The following GPD2 variants were observed in gnomAD, a reference collection of about 807,000 sequenced individuals.
The protein encoded by GPD2 is glycerol-3-phosphate dehydrogenase, mitochondrial.
GPD2 carries 54 observed loss-of-function variants against 82.4 expected under a neutral mutation model. The ratio of observed to expected loss-of-function variants is 0.66; its 90% CI spans 0.53 to 0.82. GPD2 has a LOEUF of 0.82. Among genes scored for constraint, GPD2 ranks in the 40% least tolerant of loss-of-function variants. GPD2 has a pLI of 0.00. For missense variants in GPD2, 748 were observed against 896.2 expected, an observed-to-expected ratio of 0.83 and a Z score of 2.11; for synonymous variants, 288 against 306.1, an observed-to-expected ratio of 0.94 and a Z score of 0.62.
intron 2 of GPD2, among the ~76,000 whole-genome samples, chr2:156,483,944 C>G (rs1002947854): frequency 6.8e-6 from 1 of 147,932 alleles, no homozygotes; most frequent in Admixed American, 6.7e-5. Flanking sequence ...GTTGATGTAG[C>G]TGTAGCTGAA....
chr2:156,481,677 T>A (rs1392268206), intron 2 of GPD2, among the ~76,000 whole-genome samples: 1 of 151,244 alleles, frequency 6.6e-6, no homozygotes, highest in African/African-American at 2.4e-5. Flanking sequence ...AGAGATGGGG[T>A]CTTGCCATGT....
At chr2:156,432,088 A>G (rs950953951), upstream of GPD2, among the ~76,000 whole-genome samples, 7 of 152,018 alleles carry the variant, frequency 4.6e-5, no homozygotes, top group South Asian at 2.1e-4. Flanking sequence ...AGGTTCCACC[A>G]TGTTGGTCAG....
intron 3 of GPD2, among the ~76,000 whole-genome samples, chr2:156,500,518 A>G (rs1165661832): frequency 6.6e-6 from 1 of 152,176 alleles, no homozygotes; most frequent in East Asian, 1.9e-4. Context: ...GTTTTTACCA[A>G]ATTATTCCTG....
intron 1 of GPD2, among the ~76,000 whole-genome samples, chr2:156,453,818 A>G (rs1435742319): frequency 6.6e-6 from 1 of 152,216 alleles, no homozygotes; most frequent in East Asian, 1.9e-4. Context: ...TGGAGGTTGC[A>G]GTGAGCTGAG....
the GPD2 span, among the ~76,000 whole-genome samples, chr2:156,414,859 GATAA>G: frequency 6.6e-6 from 1 of 151,908 alleles, no homozygotes; most frequent in Non-Finnish European, 1.5e-5. Context: ...CTCTAAAAGG[GATAA>G]ATATACCTTT....
chr2:156,508,895 T>C (rs1247176106), intron 3 of GPD2, among the ~76,000 whole-genome samples: 2 of 152,202 alleles, frequency 1.3e-5, no homozygotes, highest in Admixed American at 6.5e-5. Context: ...GAGAGTCTTC[T>C]GGATTTTCAA....
the GPD2 span, among the ~76,000 whole-genome samples, chr2:156,420,187 T>C: frequency 1.3e-5 from 2 of 152,180 alleles, no homozygotes; most frequent in Non-Finnish European, 2.9e-5. Flanking sequence ...TTCTTTCCTT[T>C]TTTTTTCTTT....
intron 9 of GPD2, among the ~76,000 whole-genome samples, chr2:156,561,082 T>G (rs1008524948): frequency 3.8e-5 from 5 of 130,436 alleles, no homozygotes; most frequent in African/African-American, 1.5e-4. Context: ...GATTCTCACT[T>G]TGTAGCTCAG....
At chr2:156,480,844 T>C (rs575510177) in intron 2 of GPD2, among the ~76,000 whole-genome samples, 34 of 150,944 alleles carry the variant, frequency 2.3e-4, no homozygotes, top group Non-Finnish European at 3.7e-4. Flanking sequence ...AGGGGCATGA[T>C]CTCAGCTCAT....
At chr2:156,553,692 G>A (rs1475642406) in intron 8 of GPD2, among the ~76,000 whole-genome samples, 1 of 151,980 alleles carries the variant, frequency 6.6e-6, no homozygotes, top group South Asian at 2.1e-4. Context: ...GCACAAATGT[G>A]TATTCTGTTA....
chr2:156,557,557 T>C lies in GPD2; in HGVS notation c.1140T>C (p.Arg380=). 6.3e-7 allele frequency: 1 copy of C among 1,593,938 alleles called. No individual in the cohort carries two copies. Among genetic ancestry groups the C allele is most frequent in the Non-Finnish European group, 8.6e-7 (1 of 1,161,594 alleles). The stretch of plus-strand genomic sequence containing the variant: ...TCAACTTCATTTTGAATGAAGTGCG[T>C]AATTACCTGAGTTGTGATGTTGAAG... ...EDINFILNEV[R]NYLSCDVEVR... Residue 380 remains arginine, a synonymous_variant, in exon 9 of 17, where the codon CGT becomes CGC. Coordinates refer to ENST00000438166, the MANE Select transcript of GPD2 (RefSeq NM_000408.5).
At chr2:156,577,121 T>G (rs1278151980) in intron 13 of GPD2, among the ~76,000 whole-genome samples, 2 of 152,174 alleles carry the variant, frequency 1.3e-5, no homozygotes, top group South Asian at 2.1e-4. Flanking sequence ...TTTAAGAACA[T>G]GAAGGAAGAA....
At chr2:156,492,223 G>A (rs180995167) in intron 2 of GPD2, among the ~76,000 whole-genome samples, 3 of 120,374 alleles carry the variant, frequency 2.5e-5, no homozygotes, top group Non-Finnish European at 3.2e-5. Context: ...GTGTGATCTC[G>A]GCTCACTGCA....
chr2:156,452,918 G>A (rs1041268839), intron 1 of GPD2, among the ~76,000 whole-genome samples: 2 of 152,136 alleles, frequency 1.3e-5, no homozygotes, highest in African/African-American at 2.4e-5. Context: ...TTGGGTGGTG[G>A]GAAGATGAAA....
At chr2:156,581,660 A>G (rs972929477) in intron 16 of GPD2, among the ~76,000 whole-genome samples, 36 of 152,096 alleles carry the variant, frequency 2.4e-4, no homozygotes, top group African/African-American at 8.4e-4. Flanking sequence ...ACGGTTTTTC[A>G]TTAATCTTCA....
chr2:156,470,353 GC>G (rs1683288017), intron 1 of GPD2, among the ~76,000 whole-genome samples: 1 of 152,062 alleles, frequency 6.6e-6, no homozygotes. Flanking sequence ...GCGCCACCAT[GC>G]CCAGCTAATT....
intron 6 of GPD2, among the ~76,000 whole-genome samples, chr2:156,518,251 C>G (rs578098229): frequency 1.2e-4 from 18 of 152,244 alleles, no homozygotes; most frequent in Middle Eastern, 6.8e-3. Flanking sequence ...GTCCTGCCCC[C>G]ACCCCAACCT....
intron 2 of GPD2, among the ~76,000 whole-genome samples, chr2:156,480,817 G>A (rs1019200521): frequency 7.5e-6 from 1 of 133,934 alleles, no homozygotes; most frequent in Non-Finnish European, 1.6e-5. Flanking sequence ...CACTCTTGTT[G>A]CCCAGGCTGG....
intron 3 of GPD2, among the ~76,000 whole-genome samples, chr2:156,500,141 T>C (rs567713700): frequency 6.6e-6 from 1 of 152,254 alleles, no homozygotes; most frequent in Non-Finnish European, 1.5e-5. Context: ...AAGAAAACGA[T>C]GTATTTTTAA....
Sources: gnomAD v4.1 joint callset for allele counts (sites outside exome capture counted in the v4.1 genomes callset) on GRCh38, gnomAD v4.1.1 for gene constraint, MANE v1.5 for transcripts, NCBI Gene and HGNC (gene_info 2026-07-23, HGNC 2026-07-21) for gene names.